Variants in C3orf20 observed in about 807,000 individuals in gnomAD.
C3orf20 encodes the protein family with sequence similarity 149 member C.
C3orf20 carries 76 observed loss-of-function variants against 88.3 expected under a neutral mutation model. The ratio of observed to expected loss-of-function variants is 0.86; its 90% confidence interval spans 0.72 to 1.04. C3orf20 has a LOEUF of 1.04. Among genes scored for constraint, C3orf20 ranks in the 50% least tolerant of loss-of-function variants. The pLI is 0.00. For missense variants in C3orf20, 1,056 were observed against 1,123.3 expected (o/e 0.94, Z 0.86); for synonymous variants, 436 against 437.4 (o/e 1.00, Z 0.04).
chr3:14,715,807 G>A (rs1458527561), intron 9 of C3orf20, among the ~76,000 whole-genome samples: 3 of 152,072 alleles, frequency 2.0e-5, no homozygotes, highest in Middle Eastern at 3.4e-3. Context: ...GGTCTCCTCC[G>A]TTTTTGTTTT....
At chr3:14,751,084 A>G (rs1315869662) in intron 12 of C3orf20, among the ~76,000 whole-genome samples, 1 of 152,022 alleles carries the variant, frequency 6.6e-6, no homozygotes, top group Non-Finnish European at 1.5e-5. Flanking sequence ...TCTATCACTG[A>G]ATTTTTATTT....
chr3:14,749,887 C>A (rs2035170116), intron 12 of C3orf20, among the ~76,000 whole-genome samples: 1 of 151,994 alleles, frequency 6.6e-6, no homozygotes, highest in South Asian at 2.1e-4. Flanking sequence ...TTCCTTCCCA[C>A]CTCTCTACTT....
At chr3:14,742,797 C>T (rs1030006018) in intron 12 of C3orf20, among the ~76,000 whole-genome samples, 1 of 152,040 alleles carries the variant, frequency 6.6e-6, no homozygotes. Flanking sequence ...GTGGTGGTGG[C>T]AAGAGAAAAC....
chr3:14,731,354 CAG>C (rs1559427515), intron 12 of C3orf20, among the ~76,000 whole-genome samples: 1 of 152,150 alleles, frequency 6.6e-6, no homozygotes, highest in Non-Finnish European at 1.5e-5. Flanking sequence ...TGTTCTGTCT[CAG>C]GGGGCCCCCA....
intron 12 of C3orf20, among the ~76,000 whole-genome samples, chr3:14,735,023 A>G (rs535604012): frequency 4.6e-5 from 7 of 151,874 alleles, no homozygotes; most frequent in African/African-American, 4.8e-5. Flanking sequence ...GTTATTTTTC[A>G]TAATATATCT....
intron 7 of C3orf20, among the ~76,000 whole-genome samples, chr3:14,707,850 G>A (rs1235850870): frequency 3.2e-5 from 4 of 126,286 alleles, no homozygotes; most frequent in East Asian, 4.5e-4. Flanking sequence ...ACAGAGTTTC[G>A]CTCTTGTTGC....
intron 9 of C3orf20, among the ~76,000 whole-genome samples, chr3:14,717,546 T>C (rs1168062960): frequency 1.3e-5 from 2 of 151,958 alleles, no homozygotes; most frequent in Non-Finnish European, 2.9e-5. Context: ...GAGCAAGAGG[T>C]ATGTATGGTG....
At position 14,701,727 on chromosome 3, in the gene C3orf20, G is replaced by A. The variant is rs1162772677; in HGVS notation, c.746-1403G>A. 1.3e-5 allele frequency among the ~76,000 whole-genome samples: 2 copies of A among 152,154 alleles called. No homozygotes were observed. The highest frequency in any genetic ancestry group is 4.8e-5 in the African/African-American group (2 of 41,430). On this transcript the variant is annotated intron_variant, in intron 5 of 16. Coordinates refer to ENST00000253697, the MANE Select transcript of C3orf20 (RefSeq NM_032137.5). The surrounding 1 kb of genome is among the most constrained non-coding windows in gnomAD (Gnocchi z 4.6). ...TTTTCAAGCTGATTGAGAAGAAATAGAGACTTTGTGTCTTTAATCAGGTGA... is the reference window on the plus strand; with the variant it reads ...TTTTCAAGCTGATTGAGAAGAAATAAAGACTTTGTGTCTTTAATCAGGTGA...
chr3:14,757,728 G>A, intron 13 of C3orf20, 54 bp downstream of exon 13: 1 of 1,529,130 alleles, frequency 6.5e-7, no homozygotes, highest in Non-Finnish European at 8.8e-7. Flanking sequence ...GGGTAGTGGG[G>A]CAGTCCGAGA....
rs61736141 is a variant in C3orf20, at chr3:14,757,469, G to A, written c.2039G>A (p.Arg680His). ...AAGCTCATGCTCAAGGAAGACACCC[G>A]TGCTGGCTGCAAGTGCCTGGTGAAG... Reference protein sequence around the residue: ...LRKLMLKEDTRAGCKCLVKAP... With the variant: ...LRKLMLKEDTHAGCKCLVKAP... Residue 680 changes from arginine (R) to histidine (H), a missense_variant, in exon 13 of 17, where the codon CGT becomes CAT. Transcript: ENST00000253697. 0.034 allele frequency: 54,392 copies of A among 1,613,290 alleles called. 1,402 individuals are homozygous for A. The highest frequency in any genetic ancestry group is 0.15 in the East Asian group (6,625 of 44,872).
At chr3:14,717,798 TA>T (rs998903491) in intron 9 of C3orf20, among the ~76,000 whole-genome samples, 222 of 151,678 alleles carry the variant, frequency 1.5e-3, no homozygotes, top group African/African-American at 4.7e-3. Flanking sequence ...TTTCCATGAT[TA>T]AAAAAAAATC....
chr3:14,698,563 G>C (rs1036616714), intron 5 of C3orf20, among the ~76,000 whole-genome samples: 2 of 152,210 alleles, frequency 1.3e-5, no homozygotes, highest in Non-Finnish European at 2.9e-5. Flanking sequence ...TAAGATCCAG[G>C]AGAACTCTCT....
chr3:14,689,975 A>ATC lies in C3orf20; in HGVS notation c.626-11_626-10dup, dbSNP rs144480539. The ATC allele has an allele frequency of 5.0e-6, 8 of 1,613,244 alleles. No individual in the cohort carries two copies. The Admixed American group carries it at 1.2e-4, about 24-fold the overall frequency. On this transcript the variant is annotated intron_variant, in intron 4 of 16. Coordinates refer to ENST00000253697, the MANE Select transcript of C3orf20 (RefSeq NM_032137.5). The stretch of plus-strand genomic sequence containing the variant: ...TTAAAAGTAAACAGTTGAAAGAAGA[A>ATC]TCTCTCTCTCTCCCACTCCAGAGTC...
intron 12 of C3orf20, among the ~76,000 whole-genome samples, chr3:14,749,870 G>A (rs1391968908): frequency 5.9e-5 from 9 of 151,508 alleles, no homozygotes; most frequent in South Asian, 4.2e-4. Context: ...ATCTGCTCCC[G>A]TACAGCTTCC....
chr3:14,713,038 C>A (rs1252674528), intron 7 of C3orf20, among the ~76,000 whole-genome samples: 1 of 152,096 alleles, frequency 6.6e-6, no homozygotes, highest in Non-Finnish European at 1.5e-5. Flanking sequence ...TTGAAGTTCT[C>A]TTATATAAGA....
chr3:14,729,557 T>C lies in C3orf20; in HGVS notation c.1940+869T>C, dbSNP rs116023496. ...GTGACATCATCTGATTTATCTTTGT[T>C]TTTTTTTCAGACAGGGTCTCTCTCT... On this transcript the variant is annotated intron_variant, in intron 12 of 16. Coordinates refer to ENST00000253697, the MANE Select transcript of C3orf20 (RefSeq NM_032137.5). Among the ~76,000 whole-genome samples the C allele has an allele frequency of 5.7e-3, 875 of 152,252 alleles. 1 individual carries two copies. The highest frequency in any genetic ancestry group is 0.014 in the South Asian group (67 of 4,818).
intron 12 of C3orf20, among the ~76,000 whole-genome samples, chr3:14,729,399 G>C (rs1014511512): frequency 1.3e-5 from 2 of 152,200 alleles, no homozygotes; most frequent in Non-Finnish European, 1.5e-5. Flanking sequence ...TGGTATGTGT[G>C]AGAGAGTAAG....
intron 7 of C3orf20, among the ~76,000 whole-genome samples, chr3:14,707,820 C>CCTTTT (rs750490297): frequency 4.9e-5 from 6 of 122,154 alleles, no homozygotes; most frequent in Admixed American, 9.3e-5. Context: ...GTGTTTTCCT[C>CCTTTT]TTTTTTTTTT....
intron 12 of C3orf20, among the ~76,000 whole-genome samples, chr3:14,745,583 A>G (rs2035035571): frequency 1.3e-5 from 2 of 152,244 alleles, no homozygotes; most frequent in African/African-American, 4.8e-5. Flanking sequence ...GGTAGTAACC[A>G]TATACATTTG....
Sources: allele counts gnomAD v4.1 joint callset (sites outside exome capture counted in the v4.1 genomes callset), GRCh38; gene constraint gnomAD v4.1.1; non-coding constraint Gnocchi (gnomAD v3.1); transcripts MANE v1.5; gene names NCBI Gene and HGNC (gene_info 2026-07-23, HGNC 2026-07-21).